Variants in CACNA1E observed in about 807,000 individuals in gnomAD.
CACNA1E encodes the protein calcium voltage-gated channel subunit alpha1 E, also known as voltage-dependent R-type calcium channel subunit alpha-1E.
CACNA1E carries 40 observed loss-of-function variants against 259.2 expected under a neutral mutation model. That is an observed-to-expected ratio of 0.15 (90% CI 0.12 to 0.20). The LOEUF is 0.20. CACNA1E is among the 10% of genes least tolerant of loss of function. The pLI is 1.00. For missense variants in CACNA1E, 1,874 were observed against 3,040.1 expected (o/e 0.62, Z 9.02); for synonymous variants, 1,104 against 1,138.5 (o/e 0.97, Z 0.61).
intron 1 of CACNA1E, among the ~76,000 whole-genome samples, chr1:181,381,987 G>T (rs1655489149): frequency 6.6e-6 from 1 of 152,214 alleles, no homozygotes. Context: ...GCATGGAGGT[G>T]AGAGCAGAAG....
intron 6 of CACNA1E, among the ~76,000 whole-genome samples, chr1:181,614,701 T>C (rs1457280914): frequency 6.6e-6 from 1 of 152,258 alleles, no homozygotes; most frequent in Non-Finnish European, 1.5e-5. Flanking sequence ...AATGGTATCA[T>C]GTACAGTCTG....
chr1:181,789,020 A>T (rs576580083), intron 43 of CACNA1E, among the ~76,000 whole-genome samples: 1 of 100,136 alleles, frequency 1.0e-5, no homozygotes, highest in African/African-American at 4.3e-5. Flanking sequence ...GGCACGTGCT[A>T]TCACTGCTGG....
chr1:181,427,809 T>G (rs754992453), intron 2 of CACNA1E, among the ~76,000 whole-genome samples: 2 of 130,262 alleles, frequency 1.5e-5, no homozygotes, highest in Admixed American at 7.9e-5. Flanking sequence ...TCCCCTTCCC[T>G]CTTTCTGTGA....
chr1:181,420,207 C>G (rs1658622772), intron 2 of CACNA1E, among the ~76,000 whole-genome samples: 1 of 152,128 alleles, frequency 6.6e-6, no homozygotes, highest in Non-Finnish European at 1.5e-5. Flanking sequence ...TAGAAACCAA[C>G]CTGGGAGGTC....
chr1:181,661,147 C>T (rs999999559), intron 7 of CACNA1E, among the ~76,000 whole-genome samples: 4 of 152,142 alleles, frequency 2.6e-5, no homozygotes, highest in Admixed American at 6.5e-5. Context: ...AGAGGCTCAT[C>T]GAGAAGGGCT....
upstream of CACNA1E, among the ~76,000 whole-genome samples, chr1:181,480,701 C>T (rs1475550965): frequency 6.6e-6 from 1 of 152,192 alleles, no homozygotes; most frequent in Non-Finnish European, 1.5e-5. Context: ...GGTATGCCGC[C>T]AGCCTGCTGA....
intron 8 of CACNA1E, among the ~76,000 whole-genome samples, chr1:181,711,372 C>T (rs538366214): frequency 6.6e-6 from 1 of 152,268 alleles, no homozygotes; most frequent in South Asian, 2.1e-4. Flanking sequence ...AATACCGTTC[C>T]TGGTGCTCAC....
chr1:181,393,445 G>A (rs1656438113), intron 1 of CACNA1E, among the ~76,000 whole-genome samples: 2 of 152,010 alleles, frequency 1.3e-5, no homozygotes, highest in Admixed American at 6.6e-5. Flanking sequence ...CTGTTGGAGG[G>A]GTAGGTGATC....
rs79556824 is a variant in CACNA1E, at chr1:181,753,606, G to C, written c.3828+1367G>C. ...TCAACAGTTCCTCTGGAATGCCTGG[G>C]CCTGCTCTCCCAAGCCTGCCACGGA... On this transcript the variant is annotated intron_variant, in intron 27 of 47. Coordinates refer to ENST00000367573, the MANE Select transcript of CACNA1E (RefSeq NM_001205293.3). 2.5e-3 allele frequency among the ~76,000 whole-genome samples: 388 copies of C among 152,276 alleles called. 2 individuals are homozygous for C. Among genetic ancestry groups the C allele is most frequent in the African/African-American group, 9.2e-3 (381 of 41,552 alleles).
At chr1:181,474,574 G>A (rs74685030) in intron 2 of CACNA1E, among the ~76,000 whole-genome samples, 4 of 32,748 alleles carry the variant, frequency 1.2e-4, no homozygotes, top group African/African-American at 7.5e-4. Context: ...CTTTGCAAAC[G>A]TGTGTGTCAT....
At chr1:181,674,765 G>A (rs1247927426) in intron 7 of CACNA1E, among the ~76,000 whole-genome samples, 2 of 152,198 alleles carry the variant, frequency 1.3e-5, no homozygotes, top group Non-Finnish European at 2.9e-5. Context: ...CCAGCACAGA[G>A]AGAGCAGAGG....
intron 6 of CACNA1E, among the ~76,000 whole-genome samples, chr1:181,590,322 C>T (rs1558159475): frequency 2.0e-5 from 3 of 151,346 alleles, no homozygotes; most frequent in Non-Finnish European, 2.9e-5. Flanking sequence ...CTGCCTTCCA[C>T]CTTGAGCCCC....
chr1:181,484,651 C>T (rs2102473208), intron 1 of CACNA1E, among the ~76,000 whole-genome samples: 1 of 152,312 alleles, frequency 6.6e-6, no homozygotes, highest in East Asian at 1.9e-4. Flanking sequence ...GTTGCCACAG[C>T]CCAAGGAGCT....
chr1:181,433,340 C>T (rs1659844479), intron 2 of CACNA1E, among the ~76,000 whole-genome samples: 1 of 152,200 alleles, frequency 6.6e-6, no homozygotes, highest in Admixed American at 6.5e-5. Flanking sequence ...CTCGCTTTTT[C>T]TCAGGCTGAG....
At chr1:181,460,923 G>A (rs957731277) in intron 2 of CACNA1E, among the ~76,000 whole-genome samples, 3 of 152,274 alleles carry the variant, frequency 2.0e-5, no homozygotes, top group East Asian at 1.9e-4. Context: ...AGTTGTGAGA[G>A]TTAAATGATT....
At chr1:181,513,767 C>T (rs1224649485) in intron 3 of CACNA1E, among the ~76,000 whole-genome samples, 1 of 152,138 alleles carries the variant, frequency 6.6e-6, no homozygotes, top group Non-Finnish European at 1.5e-5. Flanking sequence ...AAGAAGGGCC[C>T]CTGGGTCCTT....
At chr1:181,578,906 G>A (rs1443545016) in intron 4 of CACNA1E, among the ~76,000 whole-genome samples, 166 bp from the exon 5 acceptor site, 3 of 152,238 alleles carry the variant, frequency 2.0e-5, no homozygotes, top group Non-Finnish European at 2.9e-5. Flanking sequence ...CAGCCTAGCA[G>A]AGCTGGGCCT....
chr1:181,778,588 G>C (rs1018562611), intron 38 of CACNA1E, among the ~76,000 whole-genome samples: 1 of 152,228 alleles, frequency 6.6e-6, no homozygotes, highest in African/African-American at 2.4e-5. Flanking sequence ...TCTGGACGCT[G>C]ACAGAGAAGA....
At chr1:181,783,857 G>T in intron 40 of CACNA1E, 73 bp downstream of exon 40, 1 of 963,394 alleles carries the variant, frequency 1.0e-6, no homozygotes, top group Non-Finnish European at 1.7e-6. Flanking sequence ...ACAGGATGGA[G>T]ATATTTGAAC....
Sources: gnomAD v4.1 joint callset for allele counts (sites outside exome capture counted in the v4.1 genomes callset) on GRCh38, gnomAD v4.1.1 for gene constraint, MANE v1.5 for transcripts, NCBI Gene and HGNC (gene_info 2026-07-23, HGNC 2026-07-21) for gene names.